The following PAK3 variants were observed in gnomAD, a reference collection of about 807,000 sequenced individuals.
PAK3 encodes p21 (RAC1) activated kinase 3, also known as serine/threonine-protein kinase PAK 3.
PAK3 carries 4 observed loss-of-function variants against 41.0 expected under a neutral mutation model. The observed-to-expected ratio is 0.10, with a 90% CI of 0.05 to 0.22. PAK3 has a LOEUF of 0.22. Among genes scored for constraint, PAK3 ranks in the 10% least tolerant of loss-of-function variants. PAK3 has a pLI of 1.00. For missense variants in PAK3, 205 were observed against 409.9 expected (o/e 0.50, Z 4.32); for synonymous variants, 146 against 139.6 (o/e 1.05, Z -0.32).
chrX:111,019,709 A>C lies in PAK3; in HGVS notation c.-28+75081A>C, dbSNP rs1482851379. On this transcript the variant is annotated intron_variant, in intron 1 of 14. Coordinates refer to the PAK3 transcript ENST00000425146. Reference sequence around the variant, plus strand: ...TGCCTCCAAAAAAAAAAAAAGAAAGAAAGAAAAGAAAAAGGGGGGGGGGCA... The same window carrying C: ...TGCCTCCAAAAAAAAAAAAAGAAAGCAAGAAAAGAAAAAGGGGGGGGGGCA... Among the ~76,000 whole-genome samples, 20 of 23,810 alleles carry C rather than the reference A, an allele frequency of 8.4e-4. 1 individual carries two copies. The Admixed American group carries it at 0.017, about 21-fold the overall frequency. The allele number at this position is 23,810 out of a possible 115,157, so 20.7% of individuals were successfully genotyped here.
intron 1 of PAK3, among the ~76,000 whole-genome samples, chrX:111,020,669 C>A (rs2092164365): frequency 8.9e-6 from 1 of 111,783 alleles, no homozygotes; most frequent in African/African-American, 3.3e-5. Flanking sequence ...TTTGAAGGAA[C>A]TGGATCACCA....
intron 1 of PAK3, among the ~76,000 whole-genome samples, chrX:111,038,206 TG>T (rs1318041675): frequency 1.8e-5 from 2 of 112,170 alleles, no homozygotes; most frequent in African/African-American, 6.5e-5. Flanking sequence ...TATTATATGT[TG>T]GGGGCAGGAA....
At chrX:111,134,280 G>A (rs549516787) in intron 5 of PAK3, among the ~76,000 whole-genome samples, 35 of 111,713 alleles carry the variant, frequency 3.1e-4, no homozygotes, top group Middle Eastern at 4.6e-3. Flanking sequence ...CCACTGTTGG[G>A]GGAAAAACAG....
At chrX:111,141,135 T>C (rs760100993) in intron 5 of PAK3, among the ~76,000 whole-genome samples, 1 of 111,491 alleles carries the variant, frequency 9.0e-6, no homozygotes, top group Admixed American at 9.6e-5. Flanking sequence ...TCAGATCTGC[T>C]AATAAGTGTG....
At chrX:111,052,397 TAGTC>T (rs1406394395) in intron 1 of PAK3, among the ~76,000 whole-genome samples, 1 of 112,582 alleles carries the variant, frequency 8.9e-6, no homozygotes, top group Admixed American at 9.4e-5. Context: ...ATAATACAAA[TAGTC>T]AAAATTTCAT....
At chrX:111,139,078 A>G (rs1201332584) in intron 5 of PAK3, among the ~76,000 whole-genome samples, 1 of 111,881 alleles carries the variant, frequency 8.9e-6, no homozygotes, top group Non-Finnish European at 1.9e-5. Context: ...GGAGGCAGTG[A>G]TGCTAAGTGA....
intron 1 of PAK3, among the ~76,000 whole-genome samples, chrX:110,989,696 A>G (rs1163054462): frequency 8.9e-6 from 1 of 111,807 alleles, no homozygotes; most frequent in Non-Finnish European, 1.9e-5. Flanking sequence ...AAGATTAGGT[A>G]TCTTCTGCAT....
At chrX:111,101,652 T>A (rs1320704755) in intron 3 of PAK3, among the ~76,000 whole-genome samples, 1 of 111,902 alleles carries the variant, frequency 8.9e-6, no homozygotes, top group Admixed American at 9.4e-5. Flanking sequence ...TGTGTCCTCC[T>A]TGAGCCCCAC....
At chrX:111,171,438 C>G (rs57204200) in intron 10 of PAK3, among the ~76,000 whole-genome samples, 17 of 110,176 alleles carry the variant, frequency 1.5e-4, no homozygotes, top group Non-Finnish European at 9.5e-5. Flanking sequence ...CATGATTGTT[C>G]TATAACCCCA....
intron 11 of PAK3, among the ~76,000 whole-genome samples, chrX:111,188,875 G>A (rs745844925): frequency 8.9e-6 from 1 of 112,157 alleles, no homozygotes; most frequent in East Asian, 2.8e-4. Context: ...AATTGTGCAT[G>A]CGGCCTAAAT....
intron 16 of PAK3, among the ~76,000 whole-genome samples, chrX:111,209,314 T>C (rs954027928): frequency 3.6e-5 from 4 of 112,026 alleles, no homozygotes; most frequent in African/African-American, 1.3e-4. Flanking sequence ...CAAGCCTCAG[T>C]TTCTTCTCAA....
intron 1 of PAK3, among the ~76,000 whole-genome samples, chrX:111,033,358 G>C (rs1227537405): frequency 9.0e-6 from 1 of 111,616 alleles, no homozygotes; most frequent in African/African-American, 3.3e-5. Flanking sequence ...ACACACGCAG[G>C]TATTCATAAT....
At chrX:110,964,893 G>A (rs2091051370) in intron 1 of PAK3, among the ~76,000 whole-genome samples, 1 of 111,543 alleles carries the variant, frequency 9.0e-6, no homozygotes, top group Admixed American at 9.4e-5. Flanking sequence ...CTGGCTGGCT[G>A]GCTGGCTGGT....
In PAK3 at chrX:111,039,867, G is replaced by A. The variant is rs140206450; in HGVS notation, c.-27-83210G>A. ...CCAAGCTCAGAAGGGGTCCTGTGAGGCACATAATTCCTAGGGTCTTGGCTG... is the reference window on the plus strand; with the variant it reads ...CCAAGCTCAGAAGGGGTCCTGTGAGACACATAATTCCTAGGGTCTTGGCTG... On this transcript the variant is annotated intron_variant, in intron 1 of 14. Transcript: ENST00000425146. 7.5e-3 allele frequency among the ~76,000 whole-genome samples: 817 copies of A among 109,422 alleles called. 5 individuals carry two copies. Among genetic ancestry groups the A allele is most frequent in the Non-Finnish European group, 0.013 (681 of 52,606 alleles).
chrX:110,955,698 G>T (rs2090842216), intron 1 of PAK3, among the ~76,000 whole-genome samples: 2 of 112,049 alleles, frequency 1.8e-5, no homozygotes, highest in East Asian at 2.8e-4. Flanking sequence ...GGCCTCAATT[G>T]CTTACTCCAT....
intron 1 of PAK3, among the ~76,000 whole-genome samples, chrX:110,953,528 G>A (rs747730947): frequency 3.6e-5 from 4 of 112,303 alleles, no homozygotes; most frequent in Non-Finnish European, 5.6e-5. Context: ...AACTCCAAGG[G>A]TAGACCCAGG....
chrX:111,030,698 A>G lies in PAK3; in HGVS notation c.-28+86070A>G, dbSNP rs188531997. Among the ~76,000 whole-genome samples the G allele has an allele frequency of 3.0e-3, 332 of 111,063 alleles. 2 individuals carry two copies. The highest frequency in any genetic ancestry group is 0.01 in the African/African-American group (310 of 30,591). ...GACTATTGCTAGACTGAGAAAAAGGAAAAAAATCTGAGCTTCATCTGCTTG... is the reference window on the plus strand; with the variant it reads ...GACTATTGCTAGACTGAGAAAAAGGGAAAAAATCTGAGCTTCATCTGCTTG... On this transcript the variant is annotated intron_variant, in intron 1 of 14. Coordinates refer to the PAK3 transcript ENST00000425146.
chrX:111,216,017 G>C (rs757104911), intron 16 of PAK3, among the ~76,000 whole-genome samples: 11 of 111,826 alleles, frequency 9.8e-5, no homozygotes, highest in Non-Finnish European at 1.9e-4. Flanking sequence ...CCTTTCCATT[G>C]CACTTTCCCA....
chrX:111,021,930 A>C (rs948407173), intron 1 of PAK3, among the ~76,000 whole-genome samples: 4 of 110,776 alleles, frequency 3.6e-5, no homozygotes, highest in Non-Finnish European at 7.6e-5. Context: ...AGAGAACTTC[A>C]GATCTCGAAG....
Sources: allele counts gnomAD v4.1 joint callset (sites outside exome capture counted in the v4.1 genomes callset), GRCh38; gene constraint gnomAD v4.1.1; transcripts MANE v1.5; gene names NCBI Gene and HGNC (gene_info 2026-07-23, HGNC 2026-07-21).